STRADA: variants seen among roughly 807,000 people sequenced by gnomAD.
STRADA encodes the protein STE20-related kinase adapter protein alpha.
Under a neutral mutation model 55.0 loss-of-function variants are expected in STRADA, and 26 were observed. The observed-to-expected ratio is 0.47, with a 90% CI of 0.35 to 0.66. The LOEUF is 0.66. STRADA is among the 30% of genes least tolerant of loss of function. The pLI is 0.01. For synonymous variants in STRADA, 197 were observed against 210.9 expected, an observed-to-expected ratio of 0.93 and a Z score of 0.57; for missense variants, 443 against 549.7, an observed-to-expected ratio of 0.81 and a Z score of 1.94.
intron 1 of STRADA, among the ~76,000 whole-genome samples, 171 bp from the exon 2 acceptor site, chr17:63,728,584 T>C (rs1282517810): frequency 1.3e-5 from 2 of 152,110 alleles, no homozygotes; most frequent in African/African-American, 4.8e-5. Flanking sequence ...GAATATACTT[T>C]GGCCAAGTAC....
intron 4 of STRADA, chr17:63,717,208 A>C (rs903382394): frequency 3.9e-5 from 6 of 152,260 alleles, no homozygotes; most frequent in Admixed American, 2.0e-4. Context: ...AATCCTAAGC[A>C]GAGCTTGATC....
At chr17:63,711,601 G>A (rs1432414588) in intron 6 of STRADA, among the ~76,000 whole-genome samples, 5 of 151,950 alleles carry the variant, frequency 3.3e-5, no homozygotes, top group South Asian at 2.1e-4. Context: ...GATTGCAGGC[G>A]TGAGCCACTG....
At chr17:63,728,983 A>G (rs557257563) in intron 1 of STRADA, among the ~76,000 whole-genome samples, 1 of 152,010 alleles carries the variant, frequency 6.6e-6, no homozygotes, top group Non-Finnish European at 1.5e-5. Flanking sequence ...CTCTTGACTT[A>G]ATCCCCCACT....
At chr17:63,705,694 C>T in intron 10 of STRADA, 1 of 152,542 alleles carries the variant, frequency 6.6e-6, no homozygotes, top group Non-Finnish European at 1.5e-5. Context: ...TGTCACCTGG[C>T]AGTCCCCAAG....
chr17:63,739,344 C>G (rs1027719447), intron 1 of STRADA, among the ~76,000 whole-genome samples: 1 of 151,984 alleles, frequency 6.6e-6, no homozygotes, highest in African/African-American at 2.4e-5. Flanking sequence ...AAATGGTATA[C>G]AAATTATGAA....
rs776453266 is a variant in STRADA, at chr17:63,704,629, G to A, written c.859-47C>T. 11 of 896,342 alleles carry A rather than the reference G, an allele frequency of 1.2e-5. No individual in the cohort carries two copies. The East Asian group carries it at 2.5e-4, about 21-fold the overall frequency. 55.5% of individuals were successfully genotyped at this position (896,342 alleles called of 1,614,324 possible). ...CCTGGGCTGTAGCGGGTGGGGGGGG[G>A]GGGTGGTCCCTGGAAGGCCTGAGAG... On this transcript the variant is annotated intron_variant, in intron 10 of 12. Coordinates refer to ENST00000336174, the MANE Select transcript of STRADA (RefSeq NM_001003787.4).
chr17:63,733,162 T>C (rs2038188526), intron 1 of STRADA, among the ~76,000 whole-genome samples: 1 of 152,206 alleles, frequency 6.6e-6, no homozygotes, highest in African/African-American at 2.4e-5. Context: ...CTAAAAACCA[T>C]TTCCTAAGAA....
In STRADA at chr17:63,728,477, T is replaced by C. The variant is rs1356360642; in HGVS notation, c.-44-64A>G. ...CTCCTTATAGAGAAATATCTTCTGA[T>C]TAACAAAAACTTATTACAGGTCTAC... On this transcript the variant is annotated intron_variant, in intron 1 of 12. Transcript: ENST00000336174. 3 of 913,264 alleles carry C rather than the reference T, an allele frequency of 3.3e-6. No individual in the cohort carries two copies. The Admixed American group carries it at 7.7e-5, about 24-fold the overall frequency. 56.6% of individuals were successfully genotyped at this position (913,264 alleles called of 1,614,324 possible). A position where few individuals can be genotyped will look rare whatever the true frequency, so the allele number is the denominator to read the frequency against.
chr17:63,704,296 C>T, intron 11 of STRADA, 45 bp downstream of exon 11: 1 of 1,605,934 alleles, frequency 6.2e-7, no homozygotes, highest in Non-Finnish European at 8.5e-7. Flanking sequence ...CCCTCCTGAG[C>T]ACCCTCTGCT....
intron 8 of STRADA, among the ~76,000 whole-genome samples, chr17:63,708,833 A>T (rs1484038021): frequency 6.6e-6 from 1 of 152,168 alleles, no homozygotes; most frequent in Non-Finnish European, 1.5e-5. Context: ...TATGCTCTAG[A>T]ACACCTCTTG....
At chr17:63,726,405 T>G (rs1045788104) in intron 3 of STRADA, 4 of 444,486 alleles carry the variant, frequency 9.0e-6, no homozygotes, top group Non-Finnish European at 1.6e-5. Context: ...AGAAAACATA[T>G]ATGCTTTTAA....
At chr17:63,707,450 G>C (rs1461721285) in intron 8 of STRADA, 32 bp from the exon 9 acceptor site, 4 of 1,605,330 alleles carry the variant, frequency 2.5e-6, no homozygotes, top group East Asian at 4.5e-5. Context: ...CATGTCGAGA[G>C]CAGGAGCCCC....
At chr17:63,722,480 T>C (rs1470697) in intron 4 of STRADA, among the ~76,000 whole-genome samples, 106,591 of 152,208 alleles carry the variant, frequency 0.7, 38,762 homozygotes, top group African/African-American at 0.92. Flanking sequence ...TTTTTGGTCT[T>C]CAGATTGGAA....
At position 63,703,325 on chromosome 17, in the gene STRADA, CGGA is replaced by C. The variant is rs1203070558; in HGVS notation, c.*271_*273del. The C allele has an allele frequency of 5.7e-6, 2 of 352,756 alleles. No homozygotes were observed. The highest frequency in any genetic ancestry group is 3.9e-5 in the South Asian group (1 of 25,752). The allele number at this position is 352,756 out of a possible 1,614,324, so 21.9% of individuals were successfully genotyped here. ...GGGCCAGAGCAGCATCTCTCTTCTGCGGAGGAGGTCACCTGAGCTCACAGGACT... is the reference window on the plus strand; with the variant it reads ...GGGCCAGAGCAGCATCTCTCTTCTGCGGAGGTCACCTGAGCTCACAGGACT... On this transcript the variant is annotated 3_prime_UTR_variant, in exon 13 of 13. Coordinates refer to ENST00000336174, the MANE Select transcript of STRADA (RefSeq NM_001003787.4).
chr17:63,739,269 A>C (rs1653245346), intron 1 of STRADA, among the ~76,000 whole-genome samples: 1 of 151,926 alleles, frequency 6.6e-6, no homozygotes, highest in African/African-American at 2.4e-5. Flanking sequence ...ATTTTCTTTG[A>C]TAAAATCTTA....
intron 8 of STRADA, 115 bp from the exon 9 acceptor site, chr17:63,707,533 TA>T: frequency 3.3e-6 from 3 of 899,804 alleles, no homozygotes; most frequent in Middle Eastern, 2.3e-4. Flanking sequence ...GTTATACACG[TA>T]TATGTGTATT....
chr17:63,731,198 C>G (rs1189480196), intron 1 of STRADA, among the ~76,000 whole-genome samples: 1 of 149,550 alleles, frequency 6.7e-6, no homozygotes, highest in African/African-American at 2.5e-5. Flanking sequence ...CGCCTCGGGC[C>G]TTCCAAAGTG....
At chr17:63,713,941 G>T in intron 5 of STRADA, 65 bp downstream of exon 5, 3 of 1,344,994 alleles carry the variant, frequency 2.2e-6, no homozygotes, top group Non-Finnish European at 3.2e-6. Flanking sequence ...ATCTGGGGCT[G>T]CTGAGAAAGC....
At chr17:63,707,891 C>T (rs9303465) in intron 8 of STRADA, among the ~76,000 whole-genome samples, 5,151 of 143,878 alleles carry the variant, frequency 0.036, 315 homozygotes, top group African/African-American at 0.12. Context: ...CCACCACGCC[C>T]GGCTAATTTT....
Sources: gnomAD v4.1 joint callset for allele counts (sites outside exome capture counted in the v4.1 genomes callset) on GRCh38, gnomAD v4.1.1 for gene constraint, MANE v1.5 for transcripts, NCBI Gene and HGNC (gene_info 2026-07-23, HGNC 2026-07-21) for gene names.